Variants in ANO8 observed in about 807,000 individuals in gnomAD.
The protein encoded by ANO8 is anoctamin-8.
A neutral mutation model predicts 120.4 loss-of-function variants in ANO8; 67 were observed. That is an observed-to-expected ratio of 0.56 (90% CI 0.46 to 0.68). ANO8 has a LOEUF of 0.68. Among genes scored for constraint, ANO8 ranks in the 30% least tolerant of loss-of-function variants. ANO8 has a pLI of 0.00. For synonymous variants in ANO8, 727 were observed against 759.2 expected (o/e 0.96, Z 0.70); for missense variants, 1,526 against 1,737.6 (o/e 0.88, Z 2.16).
Position 17,323,777 on chromosome 19 carries a change from C to G in ANO8, c.3439G>C (p.Gly1147Arg). The change falls in exon 18 of 18, where the codon GGC becomes CGC. Residue 1147 changes from glycine to arginine, a missense_variant. Gly to Arg is a moderately radical substitution (Grantham distance 125). This residue lies in a region of ANO8 where 489 missense variants were observed against 548.6 expected (regional missense o/e 0.89). Coordinates refer to ENST00000159087, the MANE Select transcript of ANO8 (RefSeq NM_020959.3). ...CAGGGCCCGTCCCACTGCCAGCAGC[C>G]TGCGGGCGGTGTCGGGGGCCGGGGC... ...PLPRPPTPPA[G>R]CWQWDGPWGC... is the part of the protein sequence containing the mutation. 1 of 1,176,224 alleles carries G rather than the reference C, an allele frequency of 8.5e-7. No individual in the cohort carries two copies. Among genetic ancestry groups the G allele is most frequent in the Non-Finnish European group, 1.1e-6 (1 of 951,976 alleles). 72.9% of individuals were successfully genotyped at this position (1,176,224 alleles called of 1,614,324 possible). A position where few individuals can be genotyped will look rare whatever the true frequency, so the allele number is the denominator to read the frequency against.
chr19:17,330,326 G>A, intron 9 of ANO8, 26 bp downstream of exon 9: 1 of 1,609,902 alleles, frequency 6.2e-7, no homozygotes, highest in Non-Finnish European at 8.5e-7. Context: ...ACCAAGGACA[G>A]GGCGGGTGAG....
chr19:17,329,689 TGCCGGGTCTG>T, intron 12 of ANO8, 58 bp downstream of exon 12: 1 of 1,298,228 alleles, frequency 7.7e-7, no homozygotes, highest in Admixed American at 1.9e-5. Flanking sequence ...GGACCCCTTG[TGCCGGGTCTG>T]GCCCCTCGCT....
At chr19:17,330,551 C>A (rs752553448) in intron 8 of ANO8, 47 bp from the exon 9 acceptor site, 2 of 1,468,808 alleles carry the variant, frequency 1.4e-6, no homozygotes, top group Non-Finnish European at 1.8e-6. Context: ...AGAGGGGCCA[C>A]CTCTGCCTTC....
chr19:17,330,628 C>G, intron 8 of ANO8, 124 bp from the exon 9 acceptor site: 5 of 1,397,162 alleles, frequency 3.6e-6, no homozygotes, highest in African/African-American at 1.5e-5. Flanking sequence ...CTCAGGTCAC[C>G]CACCTAGGGC....
Position 17,333,621 on chromosome 19 carries a change from G to C in ANO8, c.218-67C>G. 1 of 1,575,732 alleles carries C rather than the reference G, an allele frequency of 6.3e-7. No homozygotes were observed. Among genetic ancestry groups the C allele is most frequent in the Non-Finnish European group, 8.6e-7 (1 of 1,163,424 alleles). ...GGCCCAAGGCCTCCTACGTATTCCCGTTCTGGGAAGCCGAGCTCAGGAGAG... is the reference window on the plus strand; with the variant it reads ...GGCCCAAGGCCTCCTACGTATTCCCCTTCTGGGAAGCCGAGCTCAGGAGAG... On this transcript the variant is annotated intron_variant, in intron 2 of 17. Transcript: ENST00000159087. This position sits in a 1 kb window ranked among gnomAD's most constrained non-coding sequence, Gnocchi z 7.2.
At chr19:17,329,905 C>T (rs1274600817) in intron 11 of ANO8, 54 bp downstream of exon 11, 6 of 1,613,514 alleles carry the variant, frequency 3.7e-6, no homozygotes, top group South Asian at 2.2e-5. Context: ...GTGCCCCATA[C>T]AGACGGCACA....
intron 13 of ANO8, 136 bp downstream of exon 13, chr19:17,328,026 G>C (rs1223368315): frequency 2.2e-6 from 3 of 1,363,478 alleles, no homozygotes; most frequent in African/African-American, 2.9e-5. Context: ...TATCTGGCTA[G>C]GCCTTCCTCT....
At position 17,328,233 on chromosome 19, in the gene ANO8, C is replaced by T; in HGVS notation, c.2155G>A (p.Asp719Asn). Residue 719 changes from aspartate to asparagine, a missense_variant, in exon 13 of 18, where the codon GAC (aspartate) becomes AAC (asparagine). Transcript: ENST00000159087. ...QRRQNRSSWIDPPEEEHSPQL... is the reference protein window; with the variant it reads ...QRRQNRSSWINPPEEEHSPQL... ...GGCGAGTGTTCCTCCTCCGGCGGGT[C>T]AATCCAAGACGACCGGTTCTGCCGT... 1 of 1,608,004 alleles carries T rather than the reference C, an allele frequency of 6.2e-7. No homozygotes were observed. Among genetic ancestry groups the T allele is most frequent in the Non-Finnish European group, 8.5e-7 (1 of 1,175,984 alleles).
chr19:17,328,431 C>T lies in ANO8; in HGVS notation c.1957G>A (p.Val653Met), dbSNP rs1192141226. Reference sequence around the variant, plus strand: ...TCGTCCTCCTCGGCCAGGGTGAACACTCCCGGCTCCAGCCCCTTCTCCACC... The same window carrying T: ...TCGTCCTCCTCGGCCAGGGTGAACATTCCCGGCTCCAGCCCCTTCTCCACC... ...TMVEKGLEPGVFTLAEEDDEA... is the reference protein window; with the variant it reads ...TMVEKGLEPGMFTLAEEDDEA... Residue 653 changes from valine to methionine, a missense_variant, in exon 13 of 18, where the codon GTG (valine) becomes ATG (methionine). By Grantham distance (21) the Val-to-Met change is conservative. Transcript: ENST00000159087. 3.8e-6 allele frequency: 6 copies of T among 1,575,978 alleles called. No individual in the cohort carries two copies. Among genetic ancestry groups the T allele is most frequent in the South Asian group, 1.1e-5 (1 of 87,150 alleles).
Position 17,330,820 on chromosome 19 carries a change from C to G in ANO8, c.993+8G>C. ...TCTCCATGACCCTGGACTCAGCCCC[C>G]AACTGACCCTGAACTGGGGGCGTGG... On this transcript the variant is annotated splice_region_variant and intron_variant, in intron 8 of 17. Coordinates refer to ENST00000159087, the MANE Select transcript of ANO8 (RefSeq NM_020959.3). 2 of 1,612,410 alleles carry G rather than the reference C, an allele frequency of 1.2e-6. No homozygotes were observed. The highest frequency in any genetic ancestry group is 1.7e-6 in the Non-Finnish European group (2 of 1,179,038).
intron 8 of ANO8, 40 bp from the exon 9 acceptor site, chr19:17,330,544 G>C: frequency 6.8e-7 from 1 of 1,477,540 alleles, no homozygotes; most frequent in Non-Finnish European, 9.0e-7. Context: ...TGAGCTCAGA[G>C]GGGCCACCTC....
chr19:17,328,152 C>CCCAGCGAGG lies in ANO8; in HGVS notation c.2226+9_2226+10insCCTCGCTGG. On this transcript the variant is annotated intron_variant, in intron 13 of 17. Coordinates refer to ENST00000159087, the MANE Select transcript of ANO8 (RefSeq NM_020959.3). ...GCCCCGCCCCCTGCGAGGCCCCGCC[C>CCCAGCGAGG]CCTCCTCACCTCGTACTTCTTCATA... 1.9e-6 allele frequency: 3 copies of CCCAGCGAGG among 1,550,590 alleles called. No individual in the cohort carries two copies. Among genetic ancestry groups the CCCAGCGAGG allele is most frequent in the Non-Finnish European group, 2.6e-6 (3 of 1,146,750 alleles).
rs2074292353 is a variant in ANO8, at chr19:17,328,591, CTCGTCCTCCTCT to C, written c.1785_1796del (p.Asp598_Glu601del). On this transcript the variant is annotated inframe_deletion, in exon 13 of 18. Coordinates refer to ENST00000159087, the MANE Select transcript of ANO8 (RefSeq NM_020959.3). Reference sequence around the variant, plus strand: ...GGAGGCCCCCTTCCTCGCCCTCCTCCTCGTCCTCCTCTTCCTCCTCGTCCTCCTCCTCCTCGT... The same window carrying C: ...GGAGGCCCCCTTCCTCGCCCTCCTCCTCCTCCTCGTCCTCCTCCTCCTCGT... The C allele has an allele frequency of 6.5e-7, 1 of 1,545,572 alleles. No homozygotes were observed.
rs1302663116 is a variant in ANO8, at chr19:17,328,707, G to GCGC, written c.1678_1680dup (p.Ala560dup). 3.1e-6 allele frequency: 4 copies of GCGC among 1,298,364 alleles called. No individual in the cohort carries two copies. Among genetic ancestry groups the GCGC allele is most frequent in the African/African-American group, 3.2e-5 (2 of 62,664 alleles). 80.4% of individuals were successfully genotyped at this position (1,298,364 alleles called of 1,614,324 possible). A position where few individuals can be genotyped will look rare whatever the true frequency, so the allele number is the denominator to read the frequency against. ...TCCCCCGCCCGCCGCCGCTCCACCA[G>GCGC]CGCCGCCTCCTCCTCCTCCTCCGGC... On this transcript the variant is annotated inframe_insertion, in exon 13 of 18. Coordinates refer to ENST00000159087, the MANE Select transcript of ANO8 (RefSeq NM_020959.3).
In ANO8 at chr19:17,330,479, G is replaced by C; in HGVS notation, c.1019C>G (p.Thr340Arg). 6.5e-7 allele frequency: 1 copy of C among 1,547,450 alleles called. No homozygotes were observed. ...FRGVRRISPI[T>R]RAEEFYYPPW... The stretch of plus-strand genomic sequence containing the variant: ...CGGGTAGTAGAACTCCTCGGCCCGC[G>C]TGATGGGGCTGATACGTCGCACGCC... The change falls in exon 9 of 18, where the codon ACG becomes AGG. Residue 340 changes from threonine (T) to arginine (R), a missense_variant. Physicochemically the swap from Thr to Arg is moderately conservative, Grantham distance 71. This residue lies in a region of ANO8 where 322 missense variants were observed against 431.8 expected (regional missense o/e 0.75). Transcript: ENST00000159087.
chr19:17,323,320 TGTGTGTGTGTG>T lies in ANO8; in HGVS notation c.*186_*196del, dbSNP rs933881963. On this transcript the variant is annotated 3_prime_UTR_variant, in exon 18 of 18. Coordinates refer to ENST00000159087, the MANE Select transcript of ANO8 (RefSeq NM_020959.3). ...TAAATAATCGCCTGTTCTGTGTGTG[TGTGTGTGTGTG>T]TGTGTGTGTGTGTTTTCTGTTGGAT... The T allele has an allele frequency of 6.6e-6, 2 of 302,656 alleles. No individual in the cohort carries two copies. Among genetic ancestry groups the T allele is most frequent in the African/African-American group, 7.1e-5 (2 of 28,104 alleles). 18.7% of individuals were successfully genotyped at this position (302,656 alleles called of 1,614,324 possible). A position where few individuals can be genotyped will look rare whatever the true frequency, so the allele number is the denominator to read the frequency against.
chr19:17,328,328 C>T lies in ANO8; in HGVS notation c.2060G>A (p.Arg687Gln), dbSNP rs561827919. 4 of 1,588,632 alleles carry T rather than the reference C, an allele frequency of 2.5e-6. No individual in the cohort carries two copies. The highest frequency in any genetic ancestry group is 1.1e-5 in the South Asian group (1 of 89,046). The part of the protein sequence containing the change: ...ILFRRAGGEG[R>Q]DQGPDGGPDP... ...CGGGCCCCCGTCGGGCCCCTGGTCT[C>T]GGCCCTCGCCCCCGGCCCGGCGGAA... The change falls in exon 13 of 18, where the codon CGA becomes CAA. Residue 687 changes from arginine (R) to glutamine (Q), a missense_variant. Coordinates refer to ENST00000159087, the MANE Select transcript of ANO8 (RefSeq NM_020959.3).
Position 17,323,429 on chromosome 19 carries a change from G to T in ANO8, c.*88C>A. On this transcript the variant is annotated 3_prime_UTR_variant, in exon 18 of 18. Coordinates refer to ENST00000159087, the MANE Select transcript of ANO8 (RefSeq NM_020959.3). The stretch of plus-strand genomic sequence containing the variant: ...CCGACCAATACTGGGGGCCCTCGGG[G>T]GCTGAAGCGCATTTTGCATTTTGGA... 7.9e-7 allele frequency: 1 copy of T among 1,261,098 alleles called. No individual in the cohort carries two copies. Among genetic ancestry groups the T allele is most frequent in the Admixed American group, 3.1e-5 (1 of 32,012 alleles). The allele number at this position is 1,261,098 out of a possible 1,614,324, so 78.1% of individuals were successfully genotyped here. A position where few individuals can be genotyped will look rare whatever the true frequency, so the allele number is the denominator to read the frequency against.
At position 17,330,229 on chromosome 19, in the gene ANO8, C is replaced by G; in HGVS notation, c.1169G>C (p.Gly390Ala). The change falls in exon 10 of 18, where the codon GGG becomes GCG. Residue 390 changes from glycine (G) to alanine (A), a missense_variant. Around this residue, in one of 8 missense-constraint regions of ANO8, gnomAD observed 91 missense variants for 85.3 expected, o/e 1.07. Coordinates refer to ENST00000159087, the MANE Select transcript of ANO8 (RefSeq NM_020959.3). ...QLQELVLSVK[G>A]LPRLARFLPK... The stretch of plus-strand genomic sequence containing the variant: ...CAGGAATCGGGCGAGACGGGGCAAC[C>G]CCTTCACGCTCAGCACCAGCTCCTG... 6.2e-7 allele frequency: 1 copy of G among 1,614,018 alleles called. No homozygotes were observed. The highest frequency in any genetic ancestry group is 8.5e-7 in the Non-Finnish European group (1 of 1,180,028).
Sources: allele counts gnomAD v4.1 joint callset, GRCh38; gene constraint gnomAD v4.1.1; regional missense constraint gnomAD v4.1.1; non-coding constraint Gnocchi (gnomAD v3.1); transcripts MANE v1.5; gene names NCBI Gene and HGNC (gene_info 2026-07-23, HGNC 2026-07-21).